Variants in PPP1R13L observed in about 807,000 individuals in gnomAD.
PPP1R13L encodes the protein protein phosphatase 1 regulatory subunit 13 like.
In PPP1R13L, 50 loss-of-function variants were observed where a neutral mutation model predicts 80.9. The ratio of observed to expected loss-of-function variants is 0.62; its 90% CI spans 0.49 to 0.78. PPP1R13L has a LOEUF of 0.78. Ranked by LOEUF, PPP1R13L falls within the 30% of genes least tolerant of loss-of-function variation. The probability of loss-of-function intolerance (pLI) is 0.00; values close to 1 mark genes in which losing one functional copy is unlikely to be tolerated. For synonymous variants in PPP1R13L, 602 were observed against 534.3 expected (o/e 1.13, Z -1.75); for missense variants, 1,200 against 1,205.9 (o/e 1.00, Z 0.07).
In PPP1R13L at chr19:45,385,946, C is replaced by T. The variant is rs928023035; in HGVS notation, c.1959G>A (p.Pro653=). Residue 653 remains proline, a synonymous_variant, in exon 10 of 13, where the codon CCG becomes CCA. Transcript: ENST00000360957. ...TGATGCCCTCCTCGTTGGGCTGGCTCGGGTCGTTCATCTGAGTGCACCGGG... is the reference window on the plus strand; with the variant it reads ...TGATGCCCTCCTCGTTGGGCTGGCTTGGGTCGTTCATCTGAGTGCACCGGG... The part of the protein sequence containing the change: ...VQQAVKEMND[P]SQPNEEGITA... 8 of 1,611,328 alleles carry T rather than the reference C, an allele frequency of 5.0e-6. No homozygotes were observed. The highest frequency in any genetic ancestry group is 6.8e-6 in the Non-Finnish European group (8 of 1,179,194).
intron 8 of PPP1R13L, among the ~76,000 whole-genome samples, chr19:45,389,123 G>A (rs957655018): frequency 6.6e-6 from 1 of 152,122 alleles, no homozygotes; most frequent in Non-Finnish European, 1.5e-5. Context: ...TGACACTAGC[G>A]TTTGATTCTT....
In PPP1R13L at chr19:45,396,375, C is replaced by G; in HGVS notation, c.774G>C (p.Ala258=). 1 of 1,614,168 alleles carries G rather than the reference C, an allele frequency of 6.2e-7. No homozygotes were observed. The highest frequency in any genetic ancestry group is 1.1e-5 in the South Asian group (1 of 91,086). The stretch of plus-strand genomic sequence containing the variant: ...CTGTCTGCGAAGGCTTCTTCTCGTA[C>G]GCCACGTCCAGGTCAGACTCGTTCC... The part of the protein sequence containing the change: ...KAWNESDLDV[A]YEKKPSQTAS... Residue 258 remains alanine, a synonymous_variant, in exon 5 of 13, where the codon GCG becomes GCC. Transcript: ENST00000360957. The surrounding 1 kb of genome is among the most constrained non-coding windows in gnomAD (Gnocchi z 5.3).
In PPP1R13L at chr19:45,396,271, G is replaced by A. The variant is rs370166791; in HGVS notation, c.812-12C>T. 17 of 1,612,718 alleles carry A rather than the reference G, an allele frequency of 1.1e-5. No individual in the cohort carries two copies. Among genetic ancestry groups the A allele is most frequent in the Non-Finnish European group, 1.4e-5 (17 of 1,179,892 alleles). On this transcript the variant is annotated splice_polypyrimidine_tract_variant and intron_variant, in intron 5 of 12. Coordinates refer to ENST00000360957, the MANE Select transcript of PPP1R13L (RefSeq NM_006663.4). The surrounding 1 kb of genome is among the most constrained non-coding windows in gnomAD (Gnocchi z 5.3). ...GAAGACGTCCAGGCCTGCGGGGCGG[G>A]AATCATTAGGGTCTGTGGGGCTGCC...
chr19:45,403,328 T>C (rs1282375121), intron 1 of PPP1R13L, among the ~76,000 whole-genome samples: 1 of 152,060 alleles, frequency 6.6e-6, no homozygotes, highest in Non-Finnish European at 1.5e-5. Context: ...AAGGGCCCTT[T>C]CAACTCTTTC....
chr19:45,395,993 G>T, intron 6 of PPP1R13L, 107 bp from the exon 7 acceptor site: 1 of 1,287,418 alleles, frequency 7.8e-7, no homozygotes. Context: ...CCCTGGGAGT[G>T]AGGGAGAAGA....
intron 11 of PPP1R13L, among the ~76,000 whole-genome samples, chr19:45,384,551 A>G (rs1972830373): frequency 1.4e-5 from 2 of 147,758 alleles, no homozygotes; most frequent in Non-Finnish European, 3.0e-5. Flanking sequence ...ATAAATAAAA[A>G]TAAATAAATA....
At chr19:45,397,468 CTCTCTCTTTCTTTCTT>C (rs1385202519) in intron 3 of PPP1R13L, among the ~76,000 whole-genome samples, 1,635 of 86,690 alleles carry the variant, frequency 0.019, 49 homozygotes, top group African/African-American at 0.064. Flanking sequence ...TGCTTTCTCT[CTCTCTCTTTCTTTCTT>C]TCTTTCTTTC....
At chr19:45,398,665 T>G (rs1292084327) in intron 1 of PPP1R13L, among the ~76,000 whole-genome samples, 2 of 149,356 alleles carry the variant, frequency 1.3e-5, no homozygotes, top group South Asian at 4.3e-4. Context: ...GACGCGATCT[T>G]GGCTCACTGC....
chr19:45,393,921 AAC>A (rs1280413955), intron 7 of PPP1R13L, among the ~76,000 whole-genome samples: 2 of 151,882 alleles, frequency 1.3e-5, no homozygotes, highest in Non-Finnish European at 2.9e-5. Flanking sequence ...TAAACCCCAA[AAC>A]ACACACACAT....
chr19:45,388,093 C>T (rs1972904135), intron 8 of PPP1R13L, among the ~76,000 whole-genome samples: 1 of 151,750 alleles, frequency 6.6e-6, no homozygotes, highest in Non-Finnish European at 1.5e-5. Context: ...CACTTGAACC[C>T]AGGAGGCACA....
At chr19:45,380,861 A>C (rs1972749565) in intron 12 of PPP1R13L, among the ~76,000 whole-genome samples, 1 of 148,776 alleles carries the variant, frequency 6.7e-6, no homozygotes, top group African/African-American at 2.5e-5. Flanking sequence ...GAAAAAAAAA[A>C]CCAAAATAAA....
chr19:45,386,090 G>T lies in PPP1R13L; in HGVS notation c.1906C>A (p.Leu636Met). 6.3e-7 allele frequency: 1 copy of T among 1,579,288 alleles called. No individual in the cohort carries two copies. ...TGCACCACCTCCAGCTCCCCGGTCAGCGCCGCGTCCAGGAGGAGCACCAGA... is the reference window on the plus strand; with the variant it reads ...TGCACCACCTCCAGCTCCCCGGTCATCGCCGCGTCCAGGAGGAGCACCAGA... Reference protein sequence around the residue: ...NPLVLLLDAALTGELEVVQQA... With the variant: ...NPLVLLLDAAMTGELEVVQQA... The change falls in exon 9 of 13, where the codon CTG (leucine) becomes ATG (methionine). Residue 636 changes from leucine to methionine, a missense_variant. Physicochemically the swap from Leu to Met is conservative, Grantham distance 15. Coordinates refer to ENST00000360957, the MANE Select transcript of PPP1R13L (RefSeq NM_006663.4).
rs1416545750 is a variant in PPP1R13L at position 45,396,361 on chromosome 19, G to A, written c.788C>T (p.Pro263Leu). 3.7e-6 allele frequency: 6 copies of A among 1,614,156 alleles called. No individual in the cohort carries two copies. In the South Asian group the frequency reaches 5.5e-5, roughly 15 times the overall value. Residue 263 changes from proline to leucine, a missense_variant, in exon 5 of 13, where the codon CCT becomes CTT. Pro to Leu is a moderately conservative substitution (Grantham distance 98). This residue lies in a region of PPP1R13L where 764 missense variants were observed against 714.5 expected (regional missense o/e 1.07). Coordinates refer to ENST00000360957, the MANE Select transcript of PPP1R13L (RefSeq NM_006663.4). The surrounding 1 kb of genome is among the most constrained non-coding windows in gnomAD (Gnocchi z 5.3). ...ACGTTCATAGCTCGCTGTCTGCGAA[G>A]GCTTCTTCTCGTACGCCACGTCCAG... ...SDLDVAYEKK[P>L]SQTASYERLD...
chr19:45,387,565 G>GT (rs1972892715), intron 8 of PPP1R13L, among the ~76,000 whole-genome samples: 1 of 151,928 alleles, frequency 6.6e-6, no homozygotes, highest in African/African-American at 2.4e-5. Context: ...TTTTTTGTTG[G>GT]TTTTTTTGAG....
At chr19:45,387,779 C>T (rs995763303) in intron 8 of PPP1R13L, among the ~76,000 whole-genome samples, 1 of 152,206 alleles carries the variant, frequency 6.6e-6, no homozygotes, top group African/African-American at 2.4e-5. Context: ...TCTTGTTCTC[C>T]TGACCTCGTG....
At chr19:45,397,158 C>G in intron 3 of PPP1R13L, 100 bp from the exon 4 acceptor site, 1 of 992,586 alleles carries the variant, frequency 1.0e-6, no homozygotes, top group Non-Finnish European at 1.3e-6. Context: ...TGGAGGTCAA[C>G]CCAGAGGAGG....
intron 1 of PPP1R13L, among the ~76,000 whole-genome samples, chr19:45,402,595 C>A (rs1436180978): frequency 6.6e-6 from 1 of 152,204 alleles, no homozygotes; most frequent in Admixed American, 6.5e-5. Context: ...GCTGTACATC[C>A]CGGGGCAAGG....
chr19:45,395,527 C>A lies in PPP1R13L; in HGVS notation c.1263G>T (p.Gln421His). Residue 421 changes from glutamine (Q) to histidine (H), a missense_variant, in exon 7 of 13, where the codon CAG (glutamine) becomes CAT (histidine). Coordinates refer to ENST00000360957, the MANE Select transcript of PPP1R13L (RefSeq NM_006663.4). ...TCTGGGGCTGTGGGGGCAGCTGGGGCTGTGGTTGTGATTGTGGCTGGGGCT... is the reference window on the plus strand; with the variant it reads ...TCTGGGGCTGTGGGGGCAGCTGGGGATGTGGTTGTGATTGTGGCTGGGGCT... ...QPQPQPQSQP[Q>H]PQLPPQPQTQ... The A allele has an allele frequency of 1.3e-6, 2 of 1,484,854 alleles. No individual in the cohort carries two copies. 92.0% of individuals were successfully genotyped at this position (1,484,854 alleles called of 1,614,324 possible). A position where few individuals can be genotyped will look rare whatever the true frequency, so the allele number is the denominator to read the frequency against.
chr19:45,380,572 G>A (rs1315909308), intron 12 of PPP1R13L, among the ~76,000 whole-genome samples: 1 of 152,096 alleles, frequency 6.6e-6, no homozygotes, highest in Non-Finnish European at 1.5e-5. Context: ...AATCCCAGCA[G>A]TTTGGGAGGC....
Sources: allele counts gnomAD v4.1 joint callset (sites outside exome capture counted in the v4.1 genomes callset), GRCh38; gene constraint gnomAD v4.1.1; regional missense constraint gnomAD v4.1.1; non-coding constraint Gnocchi (gnomAD v3.1); transcripts MANE v1.5; gene names NCBI Gene and HGNC (gene_info 2026-07-23, HGNC 2026-07-21).